LAMP3: variants seen among roughly 807,000 people sequenced by gnomAD.
LAMP3 encodes lysosome associated membrane protein 3.
Under a neutral mutation model 34.8 loss-of-function variants are expected in LAMP3, and 26 were observed. The ratio of observed to expected loss-of-function variants is 0.75; its 90% CI spans 0.55 to 1.04. The LOEUF (loss-of-function observed/expected upper bound fraction) is 1.04. LAMP3 is among the 50% of genes least tolerant of loss of function. The probability of loss-of-function intolerance (pLI) is 0.00; values close to 1 mark genes in which losing one functional copy is unlikely to be tolerated. For missense variants in LAMP3, 495 were observed against 524.0 expected (o/e 0.94, Z 0.54); for synonymous variants, 180 against 201.9 (o/e 0.89, Z 0.92).
intron 4 of LAMP3, among the ~76,000 whole-genome samples, chr3:183,139,014 C>T (rs760617333): frequency 1.3e-5 from 2 of 152,150 alleles, no homozygotes; most frequent in Non-Finnish European, 2.9e-5. Context: ...GGGCCTTTCT[C>T]CCCTGAAGGC....
chr3:183,152,519 T>G lies in LAMP3; in HGVS notation c.760-16A>C. On this transcript the variant is annotated splice_polypyrimidine_tract_variant and intron_variant, in intron 2 of 5. Coordinates refer to ENST00000265598, the MANE Select transcript of LAMP3 (RefSeq NM_014398.4). ...GTGAAAAAACCTAAATCAAGTTAGATAGATCAGCTAAATGAGATGTAGAGG... is the reference window on the plus strand; with the variant it reads ...GTGAAAAAACCTAAATCAAGTTAGAGAGATCAGCTAAATGAGATGTAGAGG... 6.3e-7 allele frequency: 1 copy of G among 1,598,096 alleles called. No individual in the cohort carries two copies. The highest frequency in any genetic ancestry group is 8.5e-7 in the Non-Finnish European group (1 of 1,173,818).
At chr3:183,139,055 G>T (rs937464683) in intron 4 of LAMP3, among the ~76,000 whole-genome samples, 1 of 152,014 alleles carries the variant, frequency 6.6e-6, no homozygotes, top group Non-Finnish European at 1.5e-5. Flanking sequence ...AATAGCTTTC[G>T]ATTCCTCTCC....
chr3:183,126,445 A>G (rs567197693), intron 5 of LAMP3, among the ~76,000 whole-genome samples: 1 of 152,340 alleles, frequency 6.6e-6, no homozygotes, highest in East Asian at 1.9e-4. Context: ...AAGAGTACAC[A>G]AAGAAAAGAA....
At position 183,124,102 on chromosome 3, in the gene LAMP3, T is replaced by G; in HGVS notation, c.1230A>C (p.Ser410=). Residue 410 remains serine (S), a synonymous_variant, in exon 6 of 6, where the codon TCA becomes TCC. Coordinates refer to ENST00000265598, the MANE Select transcript of LAMP3 (RefSeq NM_014398.4). ...GVYKIRLRCQ[S]SGYQRI ...ACAATTAGATTCTCTGGTATCCAGATGATTGACACCTTAGGCGGATTTTAT... is the reference window on the plus strand; with the variant it reads ...ACAATTAGATTCTCTGGTATCCAGAGGATTGACACCTTAGGCGGATTTTAT... 6.2e-7 allele frequency: 1 copy of G among 1,614,160 alleles called. No homozygotes were observed. The highest frequency in any genetic ancestry group is 1.1e-5 in the South Asian group (1 of 91,080).
chr3:183,162,734 T>G lies in LAMP3; in HGVS notation c.-79A>C. ...AATCGGTGCCAGAGAAACCTACCTG[T>G]GCCGGAGAAACGAAACCACCTGCTT... On this transcript the variant is annotated 5_prime_UTR_variant, in exon 1 of 6. Coordinates refer to ENST00000265598, the MANE Select transcript of LAMP3 (RefSeq NM_014398.4). The G allele has an allele frequency of 7.5e-7, 1 of 1,331,734 alleles. No homozygotes were observed. The highest frequency in any genetic ancestry group is 1.5e-5 in the South Asian group (1 of 66,304). 82.5% of individuals were successfully genotyped at this position (1,331,734 alleles called of 1,614,324 possible).
chr3:183,128,364 G>T (rs955176191), intron 5 of LAMP3, among the ~76,000 whole-genome samples: 1 of 151,960 alleles, frequency 6.6e-6, no homozygotes, highest in Non-Finnish European at 1.5e-5. Context: ...ATACTATTAT[G>T]CACTATGATT....
intron 5 of LAMP3, among the ~76,000 whole-genome samples, chr3:183,126,357 G>A (rs1221366113): frequency 6.6e-6 from 1 of 152,124 alleles, no homozygotes; most frequent in Non-Finnish European, 1.5e-5. Context: ...GACTGGGAAG[G>A]AAGTGGAGGG....
Position 183,123,980 on chromosome 3 carries a change from G to T in LAMP3, c.*101C>A. The stretch of plus-strand genomic sequence containing the variant: ...TGAATAGAAGATGGTGGTTTACATT[G>T]TTTGAAGGACCCACACTCTGAGGGA... On this transcript the variant is annotated 3_prime_UTR_variant, in exon 6 of 6. Coordinates refer to ENST00000265598, the MANE Select transcript of LAMP3 (RefSeq NM_014398.4). 1 of 1,313,078 alleles carries T rather than the reference G, an allele frequency of 7.6e-7. No homozygotes were observed. Among genetic ancestry groups the T allele is most frequent in the Non-Finnish European group, 1.1e-6 (1 of 923,140 alleles). 81.3% of individuals were successfully genotyped at this position (1,313,078 alleles called of 1,614,324 possible).
intron 5 of LAMP3, among the ~76,000 whole-genome samples, chr3:183,133,994 C>G (rs1381156999): frequency 6.6e-6 from 1 of 152,194 alleles, no homozygotes; most frequent in Non-Finnish European, 1.5e-5. Flanking sequence ...GCTCCCATAA[C>G]CCTTTGCACA....
chr3:183,163,300 GTT>G (rs1721038767), upstream of LAMP3, among the ~76,000 whole-genome samples: 1 of 113,286 alleles, frequency 8.8e-6, no homozygotes, highest in African/African-American at 3.1e-5. Context: ...CTTTTGTTTT[GTT>G]TTGTTTTGTT....
intron 1 of LAMP3, among the ~76,000 whole-genome samples, chr3:183,155,786 A>C (rs1318516650): frequency 6.6e-6 from 1 of 152,256 alleles, no homozygotes; most frequent in Non-Finnish European, 1.5e-5. Flanking sequence ...GTGCCTGCAC[A>C]TAGACAGTGT....
chr3:183,135,812 C>T lies in LAMP3; in HGVS notation c.1022G>A (p.Ser341Asn), dbSNP rs974003989. 2.5e-6 allele frequency: 4 copies of T among 1,614,072 alleles called. No homozygotes were observed. The highest frequency in any genetic ancestry group is 1.7e-6 in the Non-Finnish European group (2 of 1,179,906). ...GGCTGACAACTGGAGGCTCTGTTCA[C>T]TCACGCACTTGAAGGAATGCCCGAC... ...TAVGHSFKCV[S>N]EQSLQLSAHL... The change falls in exon 5 of 6, where the codon AGT becomes AAT. Residue 341 changes from serine to asparagine, a missense_variant. Coordinates refer to ENST00000265598, the MANE Select transcript of LAMP3 (RefSeq NM_014398.4).
chr3:183,131,692 G>A (rs1247314298), intron 5 of LAMP3, among the ~76,000 whole-genome samples: 2 of 152,126 alleles, frequency 1.3e-5, no homozygotes, highest in African/African-American at 4.8e-5. Flanking sequence ...GTAGGCAGTA[G>A]TTTTAGAGTT....
intron 1 of LAMP3, among the ~76,000 whole-genome samples, chr3:183,158,594 C>T (rs949417691): frequency 2.0e-5 from 3 of 151,184 alleles, no homozygotes; most frequent in East Asian, 3.9e-4. Flanking sequence ...CATGAAGAGG[C>T]GTTAGAAGGT....
intron 5 of LAMP3, among the ~76,000 whole-genome samples, chr3:183,128,874 A>C (rs1719845509): frequency 6.6e-6 from 1 of 151,892 alleles, no homozygotes; most frequent in Non-Finnish European, 1.5e-5. Context: ...AAGGCTGTTT[A>C]TTTCCTTGTT....
intron 3 of LAMP3, among the ~76,000 whole-genome samples, chr3:183,143,856 G>C (rs1366363111): frequency 6.6e-6 from 1 of 152,100 alleles, no homozygotes; most frequent in Non-Finnish European, 1.5e-5. Flanking sequence ...AAATATTTTA[G>C]GCTCTGTGGT....
At chr3:183,149,622 C>A (rs983074761) in intron 3 of LAMP3, among the ~76,000 whole-genome samples, 1 of 137,592 alleles carries the variant, frequency 7.3e-6, no homozygotes, top group Admixed American at 7.5e-5. Flanking sequence ...CACACACACA[C>A]ACACACACAG....
Position 183,153,809 on chromosome 3 carries a change from A to G in LAMP3, c.632T>C (p.Val211Ala). The G allele has an allele frequency of 6.3e-7, 1 of 1,596,484 alleles. No homozygotes were observed. The highest frequency in any genetic ancestry group is 8.5e-7 in the Non-Finnish European group (1 of 1,170,794). ...TTRTAAPASTVPGPTLAPQPS... is the reference protein window; with the variant it reads ...TTRTAAPASTAPGPTLAPQPS... ...CTGAGGTGCAAGGGTGGGCCCAGGAACCGTGGAGGCAGGTGCAGCTGTGCG... is the reference window on the plus strand; with the variant it reads ...CTGAGGTGCAAGGGTGGGCCCAGGAGCCGTGGAGGCAGGTGCAGCTGTGCG... The change falls in exon 2 of 6, where the codon GTT becomes GCT. Residue 211 changes from valine to alanine, a missense_variant. Val to Ala is a moderately conservative substitution (Grantham distance 64). Coordinates refer to ENST00000265598, the MANE Select transcript of LAMP3 (RefSeq NM_014398.4).
chr3:183,138,628 G>A (rs1720173565), intron 4 of LAMP3, among the ~76,000 whole-genome samples: 1 of 152,178 alleles, frequency 6.6e-6, no homozygotes, highest in Admixed American at 6.5e-5. Flanking sequence ...TACTGTAGGA[G>A]TTCTCTGAAT....
Sources: allele counts gnomAD v4.1 joint callset (sites outside exome capture counted in the v4.1 genomes callset), GRCh38; gene constraint gnomAD v4.1.1; transcripts MANE v1.5; gene names NCBI Gene and HGNC (gene_info 2026-07-23, HGNC 2026-07-21).